Variants in PHF20L1 observed in about 807,000 individuals in gnomAD.
PHF20L1 encodes the protein PHD finger protein 20-like protein 1.
In PHF20L1, 44 loss-of-function variants were observed where a neutral mutation model predicts 125.5. That is an observed-to-expected ratio of 0.35 (90% CI 0.28 to 0.45). PHF20L1 has a LOEUF of 0.45. Ranked by LOEUF, PHF20L1 falls within the 20% of genes least tolerant of loss-of-function variation. The pLI is 1.00. For missense variants in PHF20L1, 1,012 were observed against 1,217.2 expected, an observed-to-expected ratio of 0.83 and a Z score of 2.51; for synonymous variants, 380 against 403.1, an observed-to-expected ratio of 0.94 and a Z score of 0.69.
At chr8:132,836,267 G>A (rs761817461) in intron 15 of PHF20L1, 4 of 241,554 alleles carry the variant, frequency 1.7e-5, no homozygotes, top group Non-Finnish European at 2.4e-5. Context: ...ATCAGCCTTA[G>A]CCATAAATTC....
chr8:132,819,045 T>C (rs1302108796), intron 12 of PHF20L1: 7 of 151,944 alleles, frequency 4.6e-5, no homozygotes, highest in Non-Finnish European at 1.0e-4. Flanking sequence ...ATGGAAGTCC[T>C]TGACTTCGAT....
intron 6 of PHF20L1, among the ~76,000 whole-genome samples, chr8:132,803,151 A>T (rs1833285002): frequency 6.6e-6 from 1 of 151,766 alleles, no homozygotes; most frequent in African/African-American, 2.4e-5. Flanking sequence ...ACAGAGACCT[A>T]GGATGTTGTA....
Position 132,804,665 on chromosome 8 carries a change from A to G in PHF20L1, c.772A>G (p.Thr258Ala). ...GATGGTCTTTCCACAGCCAGAGAGC[A>G]CATTATCAAACAAGAGGAAAAATAA... ...PKMVFPQPES[T>A]LSNKRKNNQG... The change falls in exon 8 of 21, where the codon ACA becomes GCA. Residue 258 changes from threonine (T) to alanine (A), a missense_variant. Coordinates refer to ENST00000395386, the MANE Select transcript of PHF20L1 (RefSeq NM_016018.5). 1.9e-6 allele frequency: 3 copies of G among 1,609,258 alleles called. No individual in the cohort carries two copies. The highest frequency in any genetic ancestry group is 2.2e-5 in the East Asian group (1 of 44,742).
intron 2 of PHF20L1, among the ~76,000 whole-genome samples, chr8:132,784,662 G>A (rs1168693499): frequency 6.6e-6 from 1 of 152,170 alleles, no homozygotes; most frequent in Non-Finnish European, 1.5e-5. Flanking sequence ...AAAATATAGA[G>A]GTTTGAGCTA....
rs749044860 is a variant in PHF20L1 at position 132,777,862 on chromosome 8, A to C, written c.34A>C (p.Thr12Pro). The C allele has an allele frequency of 6.2e-7, 1 of 1,613,516 alleles. No individual in the cohort carries two copies. Among genetic ancestry groups the C allele is most frequent in the Non-Finnish European group, 8.5e-7 (1 of 1,179,494 alleles). The part of the protein sequence containing the change: ...SKKPPNRPGI[T>P]FEIGARLEAL... ...AAAGCCCCCAAATCGCCCTGGAATC[A>C]CTTTTGAGATTGGTGCTCGTTTGGA... Residue 12 changes from threonine to proline, a missense_variant, in exon 2 of 21, where the codon ACT becomes CCT. By Grantham distance (38) the Thr-to-Pro change is conservative. Around this residue, in one of 7 missense-constraint regions of PHF20L1, gnomAD observed 94 missense variants for 179.5 expected, o/e 0.52. Transcript: ENST00000395386.
chr8:132,812,587 G>A (rs1007340509), intron 9 of PHF20L1: 12 of 983,752 alleles, frequency 1.2e-5, no homozygotes, highest in Middle Eastern at 5.2e-4. Context: ...AATTATTTTA[G>A]ATTTTCAGGA....
intron 19 of PHF20L1, 59 bp from the exon 20 acceptor site, chr8:132,844,097 T>C (rs1838208159): frequency 6.2e-7 from 1 of 1,600,124 alleles, no homozygotes; most frequent in Non-Finnish European, 8.5e-7. Flanking sequence ...TATCCTTAAC[T>C]CAATGACTGC....
At position 132,836,701 on chromosome 8, in the gene PHF20L1, G is replaced by A; in HGVS notation, c.2071G>A (p.Glu691Lys). The change falls in exon 16 of 21, where the codon GAG (glutamate) becomes AAG (lysine). Residue 691 changes from glutamate (E) to lysine (K), a missense_variant. Transcript: ENST00000395386. Reference protein sequence around the residue: ...IVRCICEMDEENGFMIQCEEC... With the variant: ...IVRCICEMDEKNGFMIQCEEC... ...GCGATGTATTTGTGAGATGGATGAGGAGAATGGCTTCATGATCCAGGTAAT... is the reference window on the plus strand; with the variant it reads ...GCGATGTATTTGTGAGATGGATGAGAAGAATGGCTTCATGATCCAGGTAAT... 6.2e-7 allele frequency: 1 copy of A among 1,612,246 alleles called. No homozygotes were observed. The highest frequency in any genetic ancestry group is 8.5e-7 in the Non-Finnish European group (1 of 1,178,758).
At chr8:132,811,654 C>G (rs973542617) in intron 9 of PHF20L1, 1 of 984,550 alleles carries the variant, frequency 1.0e-6, no homozygotes, top group African/African-American at 1.8e-5. Context: ...TTTAAACCAC[C>G]TAATAGAGGA....
intron 1 of PHF20L1, 53 bp from the exon 2 acceptor site, chr8:132,777,739 C>CT: frequency 1.2e-6 from 1 of 806,542 alleles, no homozygotes; most frequent in Non-Finnish European, 2.2e-6. Context: ...CCCTTATACT[C>CT]TACTTCCTAT....
intron 2 of PHF20L1, among the ~76,000 whole-genome samples, chr8:132,783,374 A>T (rs1439991511): frequency 6.6e-6 from 1 of 152,176 alleles, no homozygotes; most frequent in East Asian, 1.9e-4. Context: ...AGTTTTTAAG[A>T]TGTTCGTGCA....
chr8:132,823,262 G>A (rs561026585), intron 12 of PHF20L1, among the ~76,000 whole-genome samples: 76 of 152,072 alleles, frequency 5.0e-4, no homozygotes, highest in African/African-American at 1.7e-3. Flanking sequence ...AAAGGTACAA[G>A]TTTGTTTTAG....
At chr8:132,791,681 C>T in intron 2 of PHF20L1, among the ~76,000 whole-genome samples, 1 of 152,108 alleles carries the variant, frequency 6.6e-6, no homozygotes, top group Non-Finnish European at 1.5e-5. Flanking sequence ...ATATTTTTAA[C>T]ACCTTTAAGA....
chr8:132,817,751 C>T (rs1835137965), intron 12 of PHF20L1: 1 of 517,556 alleles, frequency 1.9e-6, no homozygotes, highest in African/African-American at 1.9e-5. Flanking sequence ...CCTGGACATA[C>T]ATGCTGCTTA....
chr8:132,776,139 C>T (rs999658908), intron 1 of PHF20L1, among the ~76,000 whole-genome samples: 4 of 152,184 alleles, frequency 2.6e-5, no homozygotes, highest in African/African-American at 9.7e-5. Context: ...GTTTTACTCC[C>T]AGTAGACTGT....
At position 132,824,289 on chromosome 8, in the gene PHF20L1, C is replaced by A. The variant is rs571921597; in HGVS notation, c.1636+229C>A. ...GAGTCTCTTGCTTTCTCCAAAGGAACTTTTGTGTTTATGATCATCCCTAGT... is the reference window on the plus strand; with the variant it reads ...GAGTCTCTTGCTTTCTCCAAAGGAAATTTTGTGTTTATGATCATCCCTAGT... On this transcript the variant is annotated intron_variant, in intron 13 of 20. Coordinates refer to ENST00000395386, the MANE Select transcript of PHF20L1 (RefSeq NM_016018.5). 6 of 356,138 alleles carry A rather than the reference C, an allele frequency of 1.7e-5. No homozygotes were observed. The Admixed American group carries it at 2.8e-4, about 17-fold the overall frequency. The allele number at this position is 356,138 out of a possible 1,614,324, so 22.1% of individuals were successfully genotyped here. A position where few individuals can be genotyped will look rare whatever the true frequency, so the allele number is the denominator to read the frequency against.
chr8:132,803,954 A>G lies in PHF20L1; in HGVS notation c.643A>G (p.Lys215Glu). ...AAAGTGGTTTAAAGTACCTTCAAAGAAGGAGGAAACTTCAACTTGTATAGC... is the reference window on the plus strand; with the variant it reads ...AAAGTGGTTTAAAGTACCTTCAAAGGAGGAGGAAACTTCAACTTGTATAGC... ...ERKWFKVPSKKEETSTCIATP... is the reference protein window; with the variant it reads ...ERKWFKVPSKEEETSTCIATP... Residue 215 changes from lysine (K) to glutamate (E), a missense_variant, in exon 7 of 21, where the codon AAG becomes GAG. By Grantham distance (56) the Lys-to-Glu change is moderately conservative. Around this residue, in one of 7 missense-constraint regions of PHF20L1, gnomAD observed 134 missense variants for 145.9 expected, o/e 0.92. Coordinates refer to ENST00000395386, the MANE Select transcript of PHF20L1 (RefSeq NM_016018.5). 3.1e-6 allele frequency: 5 copies of G among 1,612,280 alleles called. No homozygotes were observed. Among genetic ancestry groups the G allele is most frequent in the Non-Finnish European group, 4.2e-6 (5 of 1,178,664 alleles).
chr8:132,810,785 T>C, intron 8 of PHF20L1: 1 of 378,060 alleles, frequency 2.6e-6, no homozygotes, highest in South Asian at 2.8e-5. Flanking sequence ...TAAATGTGTG[T>C]GTGCAAGTGT....
At chr8:132,782,590 CTT>C (rs34304431) in intron 2 of PHF20L1, among the ~76,000 whole-genome samples, 1 of 147,746 alleles carries the variant, frequency 6.8e-6, no homozygotes. Flanking sequence ...TTTCTTTTTC[CTT>C]TTTTTTTTGA....
Sources: gnomAD v4.1 joint callset for allele counts (sites outside exome capture counted in the v4.1 genomes callset) on GRCh38, gnomAD v4.1.1 for gene constraint, gnomAD v4.1.1 regional missense constraint, MANE v1.5 for transcripts, NCBI Gene and HGNC (gene_info 2026-07-23, HGNC 2026-07-21) for gene names.